The following XIRP2 variants were observed in gnomAD, a reference collection of about 807,000 sequenced individuals.
XIRP2 encodes the protein xin actin-binding repeat-containing protein 2.
In XIRP2, 236 loss-of-function variants were observed where a neutral mutation model predicts 277.0. The observed-to-expected ratio is 0.85, with a 90% CI of 0.77 to 0.95. The LOEUF is 0.95. Among genes scored for constraint, XIRP2 ranks in the 40% least tolerant of loss-of-function variants. The pLI is 0.00. For synonymous variants in XIRP2, 1,490 were observed against 1,416.5 expected, an observed-to-expected ratio of 1.05 and a Z score of -1.17; for missense variants, 4,640 against 4,157.5, an observed-to-expected ratio of 1.12 and a Z score of -3.19.
rs755237932 is a variant in XIRP2 at position 167,245,459 on chromosome 2, C to G, written c.4067C>G (p.Thr1356Arg). The change falls in exon 9 of 11, where the codon ACA becomes AGA. Residue 1356 changes from threonine (T) to arginine (R), a missense_variant. Transcript: ENST00000409195. ...CGAGGAACAAGGTGGCTTTTTGAAA[C>G]AAAGCCATTAGACTCTATTAATAAA... is the stretch of plus-strand genomic sequence containing the variant. ...DVRGTRWLFE[T>R]KPLDSINKSE... 6.2e-7 allele frequency: 1 copy of G among 1,613,490 alleles called. No homozygotes were observed. The highest frequency in any genetic ancestry group is 1.1e-5 in the South Asian group (1 of 91,054).
chr2:167,028,747 G>A (rs766119620), intron 2 of XIRP2, among the ~76,000 whole-genome samples: 5 of 151,782 alleles, frequency 3.3e-5, no homozygotes, highest in Non-Finnish European at 7.4e-5. Flanking sequence ...AATCAAGAAT[G>A]ACAGAGATAT....
Position 166,937,669 on chromosome 2 carries a change from C to T in XIRP2, c.408+33779C>T, listed in dbSNP as rs924760651. 5.9e-5 allele frequency among the ~76,000 whole-genome samples: 9 copies of T among 152,212 alleles called. No homozygotes were observed. In the South Asian group the frequency reaches 1.0e-3, roughly 18 times the overall value. ...TGATTGGAATAGTTTCAGAAGGAAT[C>T]GTACCAGCTCCTCCTTGTACCTCTG... On this transcript the variant is annotated intron_variant, in intron 2 of 10. Coordinates refer to ENST00000409195, the MANE Select transcript of XIRP2 (RefSeq NM_152381.6).
chr2:167,084,020 G>C (rs1423559040), intron 2 of XIRP2, among the ~76,000 whole-genome samples: 3 of 151,698 alleles, frequency 2.0e-5, no homozygotes, highest in Non-Finnish European at 2.9e-5. Flanking sequence ...TCTTGTGCCA[G>C]TTTTCAAAGG....
chr2:167,259,048 CT>C lies in XIRP2; in HGVS notation c.*1236del. The C allele has an allele frequency of 6.2e-7, 1 of 1,610,350 alleles. No individual in the cohort carries two copies. The highest frequency in any genetic ancestry group is 8.5e-7 in the Non-Finnish European group (1 of 1,177,618). The stretch of plus-strand genomic sequence containing the variant: ...GCCATTCAAAGAGCAAAAATTTACA[CT>C]TTTTCTTTTCTAACACCGTGAAAAT... On this transcript the variant is annotated 3_prime_UTR_variant, in exon 11 of 11. Transcript: ENST00000409195.
rs1331589661 is a variant in XIRP2, at chr2:167,258,418, T to C, written c.*601T>C. 2 of 1,612,972 alleles carry C rather than the reference T, an allele frequency of 1.2e-6. No homozygotes were observed. The highest frequency in any genetic ancestry group is 1.7e-6 in the Non-Finnish European group (2 of 1,179,544). ...TAGGAATCAAAGAAATGAAAATGCC[T>C]GAAGGAAGAAAAGATGAAAAGAAGG... On this transcript the variant is annotated 3_prime_UTR_variant, in exon 11 of 11. Coordinates refer to ENST00000409195, the MANE Select transcript of XIRP2 (RefSeq NM_152381.6).
chr2:167,166,817 A>G (rs1178252379), intron 3 of XIRP2, among the ~76,000 whole-genome samples: 1 of 152,176 alleles, frequency 6.6e-6, no homozygotes, highest in Non-Finnish European at 1.5e-5. Flanking sequence ...TGGGGATTAC[A>G]TCTCAACATG....
At chr2:166,901,764 C>A (rs183956250) in intron 1 of XIRP2, among the ~76,000 whole-genome samples, 10 of 152,170 alleles carry the variant, frequency 6.6e-5, no homozygotes, top group Admixed American at 2.6e-4. Context: ...CTTCTTTGAT[C>A]TACTGTTTTA....
At chr2:166,940,720 C>G (rs1343210785) in intron 2 of XIRP2, among the ~76,000 whole-genome samples, 2 of 152,214 alleles carry the variant, frequency 1.3e-5, no homozygotes, top group African/African-American at 4.8e-5. Flanking sequence ...ACTTCAGACC[C>G]TGTTTGCCTG....
chr2:166,909,012 T>A (rs1684621043), intron 2 of XIRP2, among the ~76,000 whole-genome samples: 1 of 152,220 alleles, frequency 6.6e-6, no homozygotes, highest in South Asian at 2.1e-4. Context: ...CTGTTTTGGT[T>A]ACTATAGTCT....
intron 2 of XIRP2, among the ~76,000 whole-genome samples, chr2:167,099,029 C>T (rs1690412615): frequency 6.6e-6 from 1 of 152,190 alleles, no homozygotes; most frequent in Admixed American, 6.5e-5. Context: ...AGAGCTAAAG[C>T]ACTATGCTGG....
At chr2:167,112,607 ATCTC>A (rs1338679283) in intron 2 of XIRP2, among the ~76,000 whole-genome samples, 1 of 147,172 alleles carries the variant, frequency 6.8e-6, no homozygotes, top group Non-Finnish European at 1.5e-5. Flanking sequence ...CTCTATATAA[ATCTC>A]TCTCTCTATA....
intron 3 of XIRP2, among the ~76,000 whole-genome samples, chr2:167,139,071 A>AAT (rs3061380): frequency 0.081 from 12,166 of 150,554 alleles, 588 homozygotes; most frequent in African/African-American, 0.12. Flanking sequence ...TGTCTCAAAA[A>AAT]ATATATATAT....
chr2:167,033,876 A>G (rs1049818009), intron 2 of XIRP2, among the ~76,000 whole-genome samples: 3 of 152,226 alleles, frequency 2.0e-5, no homozygotes, highest in African/African-American at 7.2e-5. Flanking sequence ...GAAATGCTAA[A>G]GGAAATTCTT....
intron 3 of XIRP2, chr2:167,187,576 G>A: frequency 2.0e-6 from 2 of 982,352 alleles, no homozygotes; most frequent in Non-Finnish European, 2.4e-6. Flanking sequence ...TTCCTGGATT[G>A]TAAAATGTTC....
chr2:167,182,001 G>A (rs917280201), intron 3 of XIRP2, among the ~76,000 whole-genome samples: 5 of 151,992 alleles, frequency 3.3e-5, no homozygotes, highest in East Asian at 1.9e-4. Context: ...TATCACGGTC[G>A]CTCTACTTAA....
chr2:166,943,761 A>T (rs925893271), intron 2 of XIRP2, among the ~76,000 whole-genome samples: 8 of 152,206 alleles, frequency 5.3e-5, no homozygotes, highest in Non-Finnish European at 1.2e-4. Context: ...TCTTTCATTG[A>T]GTCTCTTCCT....
intron 2 of XIRP2, among the ~76,000 whole-genome samples, chr2:166,996,340 G>T (rs923698797): frequency 6.6e-6 from 1 of 152,288 alleles, no homozygotes; most frequent in East Asian, 1.9e-4. Flanking sequence ...ATTCTAAAAT[G>T]TCTAGTTGGG....
intron 3 of XIRP2, among the ~76,000 whole-genome samples, chr2:167,166,598 TAC>T (rs1692527078): frequency 6.6e-6 from 1 of 152,102 alleles, no homozygotes; most frequent in Non-Finnish European, 1.5e-5. Context: ...TCAGGGCACT[TAC>T]AATCATGGCA....
At chr2:167,118,987 C>G (rs1470779499) in intron 2 of XIRP2, among the ~76,000 whole-genome samples, 1 of 152,082 alleles carries the variant, frequency 6.6e-6, no homozygotes, top group African/African-American at 2.4e-5. Context: ...GAAGAAGAGC[C>G]TAGAGTGTTA....
Sources: gnomAD v4.1 joint callset for allele counts (sites outside exome capture counted in the v4.1 genomes callset) on GRCh38, gnomAD v4.1.1 for gene constraint, MANE v1.5 for transcripts, NCBI Gene and HGNC (gene_info 2026-07-23, HGNC 2026-07-21) for gene names.